PLIN5: variants seen among roughly 807,000 people sequenced by gnomAD.
PLIN5 encodes perilipin-5.
A neutral mutation model predicts 32.8 loss-of-function variants in PLIN5; 34 were observed. The observed-to-expected ratio is 1.04, with a 90% CI of 0.79 to 1.38. The LOEUF is 1.38. PLIN5 is among the 40% of genes most tolerant of loss of function. PLIN5 has a pLI of 0.00. For missense variants in PLIN5, 712 were observed against 660.5 expected (o/e 1.08, Z -0.85); for synonymous variants, 309 against 292.9 (o/e 1.05, Z -0.56).
intron 5 of PLIN5, among the ~76,000 whole-genome samples, chr19:4,527,082 AT>A (rs575166711): frequency 0.061 from 8,954 of 147,410 alleles, 355 homozygotes; most frequent in Non-Finnish European, 0.093. Flanking sequence ...AAGAAAAAAA[AT>A]TTTTTTTTTT....
At chr19:4,528,863 C>T (rs1327183219) in intron 5 of PLIN5, 2 of 487,164 alleles carry the variant, frequency 4.1e-6, no homozygotes, top group Non-Finnish European at 7.1e-6. Context: ...CCTATATGCC[C>T]TTAGGGTCTG....
rs1976862316 is a variant in PLIN5 at position 4,529,880 on chromosome 19, G to A, written c.257-14C>T. 1 of 1,574,500 alleles carries A rather than the reference G, an allele frequency of 6.4e-7. No homozygotes were observed. Among genetic ancestry groups the A allele is most frequent in the Non-Finnish European group, 8.7e-7 (1 of 1,151,826 alleles). ...TCATAGTGGCCACTGAAGGGAGAGA[G>A]GCGGGGAGTGAGACTCGGGGAGACG... On this transcript the variant is annotated splice_polypyrimidine_tract_variant and intron_variant, in intron 3 of 7. Transcript: ENST00000381848.
chr19:4,526,570 G>C (rs1377834171), intron 5 of PLIN5, among the ~76,000 whole-genome samples: 11 of 152,188 alleles, frequency 7.2e-5, no homozygotes, highest in Non-Finnish European at 1.6e-4. Flanking sequence ...GTTGGGTGCA[G>C]CAGCATGCAC....
intron 5 of PLIN5, among the ~76,000 whole-genome samples, chr19:4,527,581 C>T (rs997603985): frequency 1.2e-4 from 16 of 128,698 alleles, no homozygotes; most frequent in Non-Finnish European, 2.1e-4. Flanking sequence ...AATGGTTGGG[C>T]GTGGTGGACT....
chr19:4,532,117 A>G (rs1035245926), intron 2 of PLIN5, among the ~76,000 whole-genome samples: 1 of 152,172 alleles, frequency 6.6e-6, no homozygotes, highest in African/African-American at 2.4e-5. Flanking sequence ...GGCTCACGGC[A>G]ACCTCCTCCT....
chr19:4,523,357 A>G lies in PLIN5; in HGVS notation c.*171T>C. 6 of 724,114 alleles carry G rather than the reference A, an allele frequency of 8.3e-6. No individual in the cohort carries two copies. The highest frequency in any genetic ancestry group is 1.2e-5 in the Non-Finnish European group (6 of 485,080). The allele number at this position is 724,114 out of a possible 1,614,324, so 44.9% of individuals were successfully genotyped here. A position where few individuals can be genotyped will look rare whatever the true frequency, so the allele number is the denominator to read the frequency against. ...CCGGGCCTCTTTGTCCATGTGTTCA[A>G]GGAAAAAATGGGAGAGTCCAATACC... On this transcript the variant is annotated 3_prime_UTR_variant, in exon 8 of 8. Transcript: ENST00000381848. The surrounding 1 kb of genome is among the most constrained non-coding windows in gnomAD (Gnocchi z 5.0).
chr19:4,529,195 G>T lies in PLIN5; in HGVS notation c.398C>A (p.Ala133Asp), dbSNP rs761192960. Reference sequence around the variant, plus strand: ...CACGCTCCAGCGCCGGCCCCTCCGGGCCAGGTCCACCACACCCGTGACACT... The same window carrying T: ...CACGCTCCAGCGCCGGCCCCTCCGGTCCAGGTCCACCACACCCGTGACACT... ...ASSVTGVVDL[A>D]RRGRRWSVEL... The change falls in exon 5 of 8, where the codon GCC (alanine) becomes GAC (aspartate). Residue 133 changes from alanine (A) to aspartate (D), a missense_variant. Transcript: ENST00000381848. 6.2e-7 allele frequency: 1 copy of T among 1,612,646 alleles called. No individual in the cohort carries two copies. Among genetic ancestry groups the T allele is most frequent in the East Asian group, 2.2e-5 (1 of 44,792 alleles).
In PLIN5 at chr19:4,531,786, T is replaced by C. The variant is rs1305331822; in HGVS notation, c.97A>G (p.Arg33Gly). 6.3e-7 allele frequency: 1 copy of C among 1,584,184 alleles called. No homozygotes were observed. Among genetic ancestry groups the C allele is most frequent in the East Asian group, 2.3e-5 (1 of 43,542 alleles). ...TCGCAGACCGCGGTGCACGTGGCCC[T>C]GACCAGGGGCAGAGCCACCACACGC... is the stretch of plus-strand genomic sequence containing the variant. ...VQRVVALPLV[R>G]ATCTAVCDVY... The change falls in exon 3 of 8, where the codon AGG becomes GGG. Residue 33 changes from arginine (R) to glycine (G), a missense_variant. By Grantham distance (125) the Arg-to-Gly change is moderately radical. Transcript: ENST00000381848.
Position 4,523,509 on chromosome 19 carries a change from G to T in PLIN5, c.*19C>A, listed in dbSNP as rs1327904062. 6.6e-7 allele frequency: 1 copy of T among 1,525,338 alleles called. No individual in the cohort carries two copies. Among genetic ancestry groups the T allele is most frequent in the South Asian group, 1.3e-5 (1 of 77,804 alleles). 94.5% of individuals were successfully genotyped at this position (1,525,338 alleles called of 1,614,324 possible). A position where few individuals can be genotyped will look rare whatever the true frequency, so the allele number is the denominator to read the frequency against. Reference sequence around the variant, plus strand: ...GGTGTGCAGGTGGCCTTTCCTCCCCGCCTCCACTGGCCCATGGGTCAGAAG... The same window carrying T: ...GGTGTGCAGGTGGCCTTTCCTCCCCTCCTCCACTGGCCCATGGGTCAGAAG... On this transcript the variant is annotated 3_prime_UTR_variant, in exon 8 of 8. Transcript: ENST00000381848. The surrounding 1 kb of genome is among the most constrained non-coding windows in gnomAD (Gnocchi z 5.0).
At chr19:4,529,701 G>T in intron 4 of PLIN5, 83 bp downstream of exon 4, 1 of 1,132,852 alleles carries the variant, frequency 8.8e-7, no homozygotes. Flanking sequence ...CTAAAAGCCT[G>T]GTTGTCACCA....
At chr19:4,528,023 C>A (rs1157675368) in intron 5 of PLIN5, among the ~76,000 whole-genome samples, 2 of 151,796 alleles carry the variant, frequency 1.3e-5, no homozygotes, top group Admixed American at 6.6e-5. Flanking sequence ...CATTCTCCTG[C>A]CTCAGCCTCC....
Position 4,524,944 on chromosome 19 carries a change from G to A in PLIN5, c.834+19C>T. ...CCTGGTGGCAGACACCACCTCACCT[G>A]GCACTCCTGCGGTCTCACCTGGCTC... is the stretch of plus-strand genomic sequence containing the variant. On this transcript the variant is annotated intron_variant, in intron 7 of 7. Transcript: ENST00000381848. 1 of 1,523,450 alleles carries A rather than the reference G, an allele frequency of 6.6e-7. No homozygotes were observed. The highest frequency in any genetic ancestry group is 8.8e-7 in the Non-Finnish European group (1 of 1,134,286). 94.4% of individuals were successfully genotyped at this position (1,523,450 alleles called of 1,614,324 possible). A position where few individuals can be genotyped will look rare whatever the true frequency, so the allele number is the denominator to read the frequency against.
chr19:4,524,682 AC>A (rs1976776859), intron 7 of PLIN5, among the ~76,000 whole-genome samples: 1 of 150,900 alleles, frequency 6.6e-6, no homozygotes, highest in South Asian at 2.1e-4. Context: ...TTGGGCCAAC[AC>A]CCCCCTTTCC....
chr19:4,533,746 T>C, intron 2 of PLIN5: 2 of 558,008 alleles, frequency 3.6e-6, no homozygotes, highest in Non-Finnish European at 6.4e-6. Context: ...AGGATACAGG[T>C]GGAGACCCAG....
rs1320525200 is a variant in PLIN5 at position 4,525,742 on chromosome 19, A to G, written c.611T>C (p.Leu204Pro). 2.5e-6 allele frequency: 4 copies of G among 1,613,706 alleles called. No individual in the cohort carries two copies. Among genetic ancestry groups the G allele is most frequent in the Non-Finnish European group, 2.5e-6 (3 of 1,180,036 alleles). The change falls in exon 6 of 8, where the codon CTG becomes CCG. Residue 204 changes from leucine to proline, a missense_variant. Coordinates refer to ENST00000381848, the MANE Select transcript of PLIN5 (RefSeq NM_001013706.3). The surrounding 1 kb of genome is among the most constrained non-coding windows in gnomAD (Gnocchi z 5.6). ...QQGYFVRLGS[L>P]SARIRHLAYE... ...GGCCAGGTGGCGGATCCGTGCTGAC[A>G]GGGAGCCGAGGCGCACAAAGTAGCC... is the stretch of plus-strand genomic sequence containing the variant.
chr19:4,534,092 C>T lies in PLIN5; in HGVS notation c.-18G>A. ...TCAGACATCGTGCTGCAAACAGGGT[C>T]ACCCTGCGGGGCAGGATTGAGTAAG... is the stretch of plus-strand genomic sequence containing the variant. On this transcript the variant is annotated 5_prime_UTR_variant, in exon 2 of 8. Coordinates refer to ENST00000381848, the MANE Select transcript of PLIN5 (RefSeq NM_001013706.3). 1 of 1,609,118 alleles carries T rather than the reference C, an allele frequency of 6.2e-7. No homozygotes were observed. Among genetic ancestry groups the T allele is most frequent in the Non-Finnish European group, 8.5e-7 (1 of 1,177,882 alleles).
intron 4 of PLIN5, 189 bp from the exon 5 acceptor site, chr19:4,529,442 C>T (rs1976850603): frequency 1.6e-6 from 1 of 608,344 alleles, no homozygotes; most frequent in Non-Finnish European, 2.8e-6. Flanking sequence ...ACTGCCCTTA[C>T]TAGCAATACA....
chr19:4,525,771 C>G lies in PLIN5; in HGVS notation c.582G>C (p.Gln194His). The G allele has an allele frequency of 6.2e-7, 1 of 1,613,432 alleles. No homozygotes were observed. Among genetic ancestry groups the G allele is most frequent in the Non-Finnish European group, 8.5e-7 (1 of 1,179,962 alleles). ...AGCCGAGGCGCACAAAGTAGCCCTG[C>G]TGTCTCCTCTGATCCTCCACCGAAC... ...EVGSVEDQRR[Q>H]QGYFVRLGSL... Residue 194 changes from glutamine to histidine, a missense_variant, in exon 6 of 8, where the codon CAG (glutamine) becomes CAC (histidine). By Grantham distance (24) the Gln-to-His change is conservative. Coordinates refer to ENST00000381848, the MANE Select transcript of PLIN5 (RefSeq NM_001013706.3). The surrounding 1 kb of genome is among the most constrained non-coding windows in gnomAD (Gnocchi z 5.6).
In PLIN5 at chr19:4,534,030, CCA is replaced by C. The variant is rs776920956; in HGVS notation, c.43_44del (p.Trp15GlyfsTer46). The stretch of plus-strand genomic sequence containing the variant: ...CAGCCCTCACCTGCTGGTCCTGCTC[CCA>C]CACACTGGATCTGGGGATCTGAGCC... ...EAAQIPRSSV[W>X]EQDQQNVVQR... is the part of the protein sequence containing the mutation. On this transcript the variant is annotated frameshift_variant, in exon 2 of 8. Coordinates refer to ENST00000381848, the MANE Select transcript of PLIN5 (RefSeq NM_001013706.3). LOFTEE classifies it high-confidence loss of function. The C allele has an allele frequency of 6.2e-7, 1 of 1,613,222 alleles. No homozygotes were observed. The highest frequency in any genetic ancestry group is 1.3e-5 in the African/African-American group (1 of 75,044).
Sources: allele counts gnomAD v4.1 joint callset (sites outside exome capture counted in the v4.1 genomes callset), GRCh38; gene constraint gnomAD v4.1.1; non-coding constraint Gnocchi (gnomAD v3.1); transcripts MANE v1.5; gene names NCBI Gene and HGNC (gene_info 2026-07-23, HGNC 2026-07-21).